Variants in PDCD11 observed in about 807,000 individuals in gnomAD.
PDCD11 encodes the protein programmed cell death 11.
Under a neutral mutation model 198.9 loss-of-function variants are expected in PDCD11, and 97 were observed. The observed-to-expected ratio is 0.49, with a 90% CI of 0.41 to 0.58. The LOEUF is 0.58. PDCD11 is among the 20% of genes least tolerant of loss of function. The pLI, the probability that PDCD11 is intolerant of heterozygous loss-of-function variation, is 0.00. For missense variants in PDCD11, 2,102 were observed against 2,312.7 expected, an observed-to-expected ratio of 0.91 and a Z score of 1.87; for synonymous variants, 893 against 918.0, an observed-to-expected ratio of 0.97 and a Z score of 0.49.
chr10:103,416,849 G>A, intron 13 of PDCD11, 107 bp downstream of exon 13: 1 of 1,251,756 alleles, frequency 8.0e-7, no homozygotes, highest in Non-Finnish European at 1.1e-6. Flanking sequence ...GAGGAAGAGA[G>A]CACATGGGGC....
intron 22 of PDCD11, 85 bp from the exon 23 acceptor site, chr10:103,433,863 T>C: frequency 1.9e-6 from 2 of 1,049,902 alleles, no homozygotes; most frequent in Non-Finnish European, 3.0e-6. Flanking sequence ...TGGGGCCCTT[T>C]CCACCTTGTG....
chr10:103,416,188 T>C (rs1347194102), intron 12 of PDCD11, among the ~76,000 whole-genome samples: 1 of 152,200 alleles, frequency 6.6e-6, no homozygotes, highest in Non-Finnish European at 1.5e-5. Flanking sequence ...GGAGCCAAGA[T>C]GGTGTAGAAG....
chr10:103,425,912 C>G (rs983896455), intron 20 of PDCD11, among the ~76,000 whole-genome samples: 1 of 152,112 alleles, frequency 6.6e-6, no homozygotes, highest in Non-Finnish European at 1.5e-5. Context: ...ATCTCCTGAC[C>G]TTGTGATTTG....
At chr10:103,428,203 G>C (rs941476090) in intron 21 of PDCD11, among the ~76,000 whole-genome samples, 5 of 152,024 alleles carry the variant, frequency 3.3e-5, no homozygotes, top group African/African-American at 1.2e-4. Context: ...TACTTGGAAG[G>C]CTGAGGCAGG....
intron 32 of PDCD11, 101 bp from the exon 33 acceptor site, chr10:103,443,064 A>T (rs2032455799): frequency 1.9e-6 from 2 of 1,048,562 alleles, no homozygotes; most frequent in Non-Finnish European, 2.8e-6. Flanking sequence ...GAGGACACAG[A>T]TAGAGGCTGG....
intron 13 of PDCD11, among the ~76,000 whole-genome samples, chr10:103,417,152 A>G (rs921553309): frequency 6.6e-6 from 1 of 152,148 alleles, no homozygotes; most frequent in East Asian, 1.9e-4. Flanking sequence ...TTTATGGGGT[A>G]CAATATGATA....
chr10:103,440,171 A>G, intron 28 of PDCD11, 119 bp from the exon 29 acceptor site: 1 of 1,437,982 alleles, frequency 7.0e-7, no homozygotes, highest in Non-Finnish European at 9.4e-7. Context: ...AAGGACTCCC[A>G]AGGCAGATGG....
At chr10:103,433,686 C>T (rs543839846) in intron 22 of PDCD11, among the ~76,000 whole-genome samples, 1 of 152,308 alleles carries the variant, frequency 6.6e-6, no homozygotes, top group Admixed American at 6.5e-5. Context: ...GAGGACATCT[C>T]TGGAGTCTCT....
At position 103,422,971 on chromosome 10, in the gene PDCD11, C is replaced by T. The variant is rs1237761384; in HGVS notation, c.2498-17C>T. On this transcript the variant is annotated splice_polypyrimidine_tract_variant and intron_variant, in intron 17 of 35. Coordinates refer to ENST00000369797, the MANE Select transcript of PDCD11 (RefSeq NM_014976.2). ...CTTTCATGGTACTAATCCGTGTTTCCTTTGGATCTCTGGCAGACTCTGTGT... is the reference window on the plus strand; with the variant it reads ...CTTTCATGGTACTAATCCGTGTTTCTTTTGGATCTCTGGCAGACTCTGTGT... 1 of 1,480,086 alleles carries T rather than the reference C, an allele frequency of 6.8e-7. No homozygotes were observed. Among genetic ancestry groups the T allele is most frequent in the Non-Finnish European group, 9.0e-7 (1 of 1,111,958 alleles). 91.7% of individuals were successfully genotyped at this position (1,480,086 alleles called of 1,614,324 possible).
At chr10:103,414,816 A>G (rs1462769022) in intron 11 of PDCD11, among the ~76,000 whole-genome samples, 189 bp from the exon 12 acceptor site, 1 of 152,230 alleles carries the variant, frequency 6.6e-6, no homozygotes, top group Non-Finnish European at 1.5e-5. Flanking sequence ...GAAGGCTCCC[A>G]TAAATAAAGC....
chr10:103,421,756 A>G (rs2031443012), intron 17 of PDCD11, among the ~76,000 whole-genome samples, 189 bp downstream of exon 17: 1 of 151,084 alleles, frequency 6.6e-6, no homozygotes, highest in Admixed American at 6.6e-5. Context: ...TGAGGTCAGG[A>G]GATCGAGACC....
intron 4 of PDCD11, among the ~76,000 whole-genome samples, chr10:103,404,507 C>G (rs1239041466): frequency 6.6e-6 from 1 of 152,216 alleles, no homozygotes; most frequent in Non-Finnish European, 1.5e-5. Context: ...CCATGTTGGC[C>G]AGGCTGGTCT....
chr10:103,430,543 T>C (rs2031884946), intron 21 of PDCD11, among the ~76,000 whole-genome samples: 1 of 152,198 alleles, frequency 6.6e-6, no homozygotes, highest in South Asian at 2.1e-4. Context: ...ACTTCCATAC[T>C]GTTTTCCATA....
intron 33 of PDCD11, 109 bp from the exon 34 acceptor site, chr10:103,443,806 T>A: frequency 9.2e-7 from 1 of 1,092,220 alleles, no homozygotes; most frequent in East Asian, 2.4e-5. Context: ...CTGAGAGTGA[T>A]TTGGTGTCTG....
chr10:103,434,398 G>A (rs763810784), intron 24 of PDCD11, 48 bp downstream of exon 24: 6 of 1,183,798 alleles, frequency 5.1e-6, no homozygotes, highest in East Asian at 2.3e-5. Flanking sequence ...GCGGCAGGAA[G>A]GGGTGGGATG....
intron 9 of PDCD11, among the ~76,000 whole-genome samples, chr10:103,413,662 T>C (rs1240264123): frequency 2.0e-5 from 3 of 152,204 alleles, no homozygotes; most frequent in South Asian, 2.1e-4. Context: ...GCTGCTGTTA[T>C]GGCATGAAAG....
chr10:103,399,737 GA>G (rs1226853435), intron 2 of PDCD11: 1 of 152,328 alleles, frequency 6.6e-6, no homozygotes, highest in Non-Finnish European at 1.5e-5. Context: ...CGCCCAGGCT[GA>G]AGTGCAGTGT....
intron 27 of PDCD11, among the ~76,000 whole-genome samples, chr10:103,439,358 A>G (rs1592141089): frequency 6.6e-6 from 1 of 152,320 alleles, no homozygotes; most frequent in Non-Finnish European, 1.5e-5. Flanking sequence ...TTAAATTTAA[A>G]TTAAAAAATA....
At position 103,434,246 on chromosome 10, in the gene PDCD11, A is replaced by G. The variant is rs775560375; in HGVS notation, c.3565-2A>G. 1 of 1,604,518 alleles carries G rather than the reference A, an allele frequency of 6.2e-7. No homozygotes were observed. Among genetic ancestry groups the G allele is most frequent in the Non-Finnish European group, 8.5e-7 (1 of 1,171,270 alleles). On this transcript the variant is annotated splice_acceptor_variant, in intron 23 of 35. Coordinates refer to ENST00000369797, the MANE Select transcript of PDCD11 (RefSeq NM_014976.2). LOFTEE classifies it high-confidence loss of function. ...ATCACAGGAGTTTTTTTATCCTTCC[A>G]GGTTCTGAAGCATCCAGATAAGAAG...
Sources: gnomAD v4.1 joint callset for allele counts (sites outside exome capture counted in the v4.1 genomes callset) on GRCh38, gnomAD v4.1.1 for gene constraint, MANE v1.5 for transcripts, NCBI Gene and HGNC (gene_info 2026-07-23, HGNC 2026-07-21) for gene names.